CEMIP: variants seen among roughly 807,000 people sequenced by gnomAD.
CEMIP encodes cell migration inducing hyaluronidase 1, also known as cell migration-inducing and hyaluronan-binding protein.
A neutral mutation model predicts 156.9 loss-of-function variants in CEMIP; 105 were observed. The ratio of observed to expected loss-of-function variants is 0.67; its 90% CI spans 0.57 to 0.79. CEMIP has a LOEUF of 0.79. Among genes scored for constraint, CEMIP ranks in the 30% least tolerant of loss-of-function variants. The pLI, the probability that CEMIP is intolerant of heterozygous loss-of-function variation, is 0.00. For synonymous variants in CEMIP, 676 were observed against 668.4 expected (o/e 1.01, Z -0.17); for missense variants, 1,457 against 1,769.4 (o/e 0.82, Z 3.17).
At chr15:80,797,652 G>A (rs909054336) in intron 1 of CEMIP, among the ~76,000 whole-genome samples, 2 of 40,664 alleles carry the variant, frequency 4.9e-5, no homozygotes, top group Non-Finnish European at 5.3e-5. Context: ...ACTAACACAC[G>A]GTTCTTTAGC....
intron 1 of CEMIP, among the ~76,000 whole-genome samples, chr15:80,832,060 A>T (rs1253625691): frequency 6.6e-6 from 1 of 152,216 alleles, no homozygotes; most frequent in Non-Finnish European, 1.5e-5. Context: ...GTCATAAAAG[A>T]CAAGAATGTG....
At chr15:80,887,251 C>T (rs1445410588) in intron 7 of CEMIP, among the ~76,000 whole-genome samples, 1 of 152,186 alleles carries the variant, frequency 6.6e-6, no homozygotes, top group African/African-American at 2.4e-5. Context: ...TCATGTTAGC[C>T]TCTGGTATTT....
chr15:80,943,306 G>A (rs1248845473), intron 28 of CEMIP, among the ~76,000 whole-genome samples: 2 of 152,252 alleles, frequency 1.3e-5, no homozygotes, highest in African/African-American at 4.8e-5. Context: ...TGCTGTGAAT[G>A]TAGGTCAGGC....
intron 1 of CEMIP, among the ~76,000 whole-genome samples, chr15:80,801,505 TCAAAACC>T (rs1377899122): frequency 6.6e-6 from 1 of 152,208 alleles, no homozygotes; most frequent in East Asian, 1.9e-4. Flanking sequence ...GGCCTGGATC[TCAAAACC>T]CAATGGCACA....
At chr15:80,923,831 A>T (rs1488880316) in intron 17 of CEMIP, among the ~76,000 whole-genome samples, 1 of 152,194 alleles carries the variant, frequency 6.6e-6, no homozygotes, top group African/African-American at 2.4e-5. Context: ...GATATGACTA[A>T]GGCTAAAGAG....
At chr15:80,825,559 A>G (rs916516557) in intron 1 of CEMIP, among the ~76,000 whole-genome samples, 1 of 152,222 alleles carries the variant, frequency 6.6e-6, no homozygotes, top group African/African-American at 2.4e-5. Flanking sequence ...AAACCACTCC[A>G]AATGCTGAGC....
chr15:80,823,546 G>A (rs1896958006), intron 1 of CEMIP, among the ~76,000 whole-genome samples: 1 of 152,116 alleles, frequency 6.6e-6, no homozygotes, highest in Non-Finnish European at 1.5e-5. Flanking sequence ...AGACCCTGGG[G>A]ACCCAGTCCC....
chr15:80,914,995 G>A (rs978721582), intron 14 of CEMIP, among the ~76,000 whole-genome samples: 1 of 152,154 alleles, frequency 6.6e-6, no homozygotes, highest in African/African-American at 2.4e-5. Flanking sequence ...CTCTTGTGCT[G>A]AGTCAGTTCC....
In CEMIP at chr15:80,869,033, G is replaced by C. The variant is rs147932589; in HGVS notation, c.-175-4505G>C. On this transcript the variant is annotated intron_variant, in intron 1 of 29. Coordinates refer to ENST00000394685, the MANE Select transcript of CEMIP (RefSeq NM_001293298.2). Reference sequence around the variant, plus strand: ...TTCTGGAGGCTAGAAGTCTGAGATCGAGGTGTCAGGAGGGTTGGCTTCTTC... The same window carrying C: ...TTCTGGAGGCTAGAAGTCTGAGATCCAGGTGTCAGGAGGGTTGGCTTCTTC... 5.4e-3 allele frequency among the ~76,000 whole-genome samples: 828 copies of C among 152,286 alleles called. 7 individuals are homozygous for C. Among genetic ancestry groups the C allele is most frequent in the African/African-American group, 0.019 (796 of 41,564 alleles).
At chr15:80,870,520 C>T (rs1898254942) in intron 1 of CEMIP, among the ~76,000 whole-genome samples, 2 of 152,308 alleles carry the variant, frequency 1.3e-5, no homozygotes, top group South Asian at 4.1e-4. Flanking sequence ...TCCCCTGTCT[C>T]CCCTTGCTCT....
intron 14 of CEMIP, among the ~76,000 whole-genome samples, chr15:80,910,283 C>A (rs1225062208): frequency 6.6e-6 from 1 of 152,224 alleles, no homozygotes; most frequent in African/African-American, 2.4e-5. Flanking sequence ...AGAGCAGAGT[C>A]AAGGCTGCCT....
intron 26 of CEMIP, 39 bp downstream of exon 26, chr15:80,942,092 C>T: frequency 6.3e-7 from 1 of 1,591,102 alleles, no homozygotes; most frequent in Non-Finnish European, 8.6e-7. Flanking sequence ...CCTTTGCCGT[C>T]CAGTCGGGCC....
At chr15:80,895,357 A>G (rs552591612) in intron 11 of CEMIP, among the ~76,000 whole-genome samples, 6 of 152,284 alleles carry the variant, frequency 3.9e-5, no homozygotes, top group Admixed American at 2.6e-4. Flanking sequence ...CAAGGTACAA[A>G]TGGACAGAGC....
At chr15:80,921,011 G>A (rs527331460) in intron 15 of CEMIP, 21 bp from the exon 16 acceptor site, 3 of 1,612,710 alleles carry the variant, frequency 1.9e-6, no homozygotes, top group South Asian at 2.2e-5. Context: ...CTGATCTCAG[G>A]TATCTCTGCC....
chr15:80,890,422 T>G (rs970947761), intron 10 of CEMIP, among the ~76,000 whole-genome samples: 1 of 110,800 alleles, frequency 9.0e-6, no homozygotes, highest in Admixed American at 8.9e-5. Context: ...CGACTAAAAA[T>G]ACAAAAAAAA....
intron 1 of CEMIP, among the ~76,000 whole-genome samples, chr15:80,795,421 A>T (rs1446639763): frequency 6.6e-6 from 1 of 151,856 alleles, no homozygotes; most frequent in African/African-American, 2.4e-5. Flanking sequence ...GTGTGGGTGG[A>T]TCCAGCTGGT....
intron 15 of CEMIP, 107 bp from the exon 16 acceptor site, chr15:80,920,925 A>C: frequency 1.2e-6 from 1 of 830,830 alleles, no homozygotes; most frequent in Non-Finnish European, 2.1e-6. Flanking sequence ...ATCTCTGATA[A>C]GAGACTATCA....
chr15:80,833,068 A>G (rs748469137), intron 1 of CEMIP, among the ~76,000 whole-genome samples: 1 of 152,200 alleles, frequency 6.6e-6, no homozygotes, highest in African/African-American at 2.4e-5. Context: ...TGGAAGTTAC[A>G]CTTCTGCTCC....
intron 21 of CEMIP, among the ~76,000 whole-genome samples, chr15:80,931,515 T>C (rs1380840950): frequency 1.3e-5 from 2 of 152,176 alleles, no homozygotes; most frequent in East Asian, 3.9e-4. Flanking sequence ...TTGGGGAAAA[T>C]GTTGAAATAC....
Sources: gnomAD v4.1 joint callset for allele counts (sites outside exome capture counted in the v4.1 genomes callset) on GRCh38, gnomAD v4.1.1 for gene constraint, MANE v1.5 for transcripts, NCBI Gene and HGNC (gene_info 2026-07-23, HGNC 2026-07-21) for gene names.